Variants in NLRC5 observed in about 807,000 individuals in gnomAD.
NLRC5 encodes NLR family CARD domain containing 5.
Under a neutral mutation model 206.9 loss-of-function variants are expected in NLRC5, and 114 were observed. The observed-to-expected ratio is 0.55, with a 90% CI of 0.47 to 0.64. NLRC5 has a LOEUF of 0.64. Ranked by LOEUF, NLRC5 falls within the 30% of genes least tolerant of loss-of-function variation. The pLI is 0.00. For synonymous variants in NLRC5, 952 were observed against 962.8 expected, an observed-to-expected ratio of 0.99 and a Z score of 0.21; for missense variants, 2,008 against 2,305.5, an observed-to-expected ratio of 0.87 and a Z score of 2.64.
At position 57,058,080 on chromosome 16, in the gene NLRC5, G is replaced by C. The variant is rs767789727; in HGVS notation, c.3762G>C (p.Leu1254=). Residue 1254 remains leucine (L), a synonymous_variant, in exon 28 of 49, where the codon CTG becomes CTC. Transcript: ENST00000688547. Reference sequence around the variant, plus strand: ...CCCCCTACAGTCTCTCAGCAAACCTGCTGGGCGACAGCGGACTCAGATGCC... The same window carrying C: ...CCCCCTACAGTCTCTCAGCAAACCTCCTGGGCGACAGCGGACTCAGATGCC... ...DLSQVDLSAN[L]LGDSGLRCLL... The C allele has an allele frequency of 1.2e-6, 2 of 1,612,470 alleles. No homozygotes were observed. The highest frequency in any genetic ancestry group is 1.7e-6 in the Non-Finnish European group (2 of 1,179,276).
chr16:57,008,900 G>A (rs1175608425), intron 1 of NLRC5, among the ~76,000 whole-genome samples: 1 of 152,084 alleles, frequency 6.6e-6, no homozygotes, highest in East Asian at 1.9e-4. Context: ...ACAAAAATTT[G>A]TTTTTCAAAC....
rs1162599271 is a variant in NLRC5, at chr16:57,047,621, G to A, written c.3415G>A (p.Glu1139Lys). 6.2e-7 allele frequency: 1 copy of A among 1,612,838 alleles called. No homozygotes were observed. Among genetic ancestry groups the A allele is most frequent in the Admixed American group, 1.7e-5 (1 of 59,866 alleles). The change falls in exon 23 of 49, where the codon GAA (glutamate) becomes AAA (lysine). Residue 1139 changes from glutamate to lysine, a missense_variant. Glu to Lys is a moderately conservative substitution (Grantham distance 56, BLOSUM62 1). Transcript: ENST00000688547. ...ATLKDCPGPL[E>K]LQLSCEFLSD... ...TCTGAAGGACTGCCCGGGACCCCTG[G>A]AACTGCAGTAAGTAACGAGGACACA...
At chr16:57,042,498 G>T (rs1309227244) in intron 19 of NLRC5, among the ~76,000 whole-genome samples, 1 of 152,116 alleles carries the variant, frequency 6.6e-6, no homozygotes, top group African/African-American at 2.4e-5. Flanking sequence ...GGCTGCCAAG[G>T]ATCCCTGAGT....
rs1298795964 is a variant in NLRC5, at chr16:57,026,284, C to T, written c.1341C>T (p.Ser447=). ...ATATGCAGATGGTGCTCGCCCTCAG[C>T]CCCCCTGGGCACTTGCCCACCTCGT... ...QLYMQMVLAL[S]PPGHLPTSSL... is the part of the protein sequence containing the mutation. The change falls in exon 6 of 49, where the codon AGC becomes AGT. Residue 447 remains serine, a synonymous_variant. Coordinates refer to ENST00000688547, the MANE Select transcript of NLRC5 (RefSeq NM_001384950.1). 6.2e-6 allele frequency: 10 copies of T among 1,613,988 alleles called. No individual in the cohort carries two copies. The highest frequency in any genetic ancestry group is 2.2e-5 in the East Asian group (1 of 44,882).
intron 2 of NLRC5, among the ~76,000 whole-genome samples, chr16:57,019,261 G>T (rs139008682): frequency 3.2e-3 from 484 of 152,324 alleles, no homozygotes; most frequent in Non-Finnish European, 4.9e-3. Context: ...GCTGGGCATT[G>T]TGGTGTGCAC....
At chr16:57,066,995 G>A (rs1316154887) in intron 34 of NLRC5, among the ~76,000 whole-genome samples, 4 of 152,216 alleles carry the variant, frequency 2.6e-5, no homozygotes, top group African/African-American at 9.6e-5. Flanking sequence ...CCAAGGCTTA[G>A]TCAAACACTT....
At chr16:57,002,364 T>C (rs909244641) in intron 1 of NLRC5, among the ~76,000 whole-genome samples, 1 of 152,030 alleles carries the variant, frequency 6.6e-6, no homozygotes, top group Non-Finnish European at 1.5e-5. Flanking sequence ...GCCAGGTTGG[T>C]CTCCAATGCC....
chr16:57,028,414 C>A, intron 8 of NLRC5, 29 bp downstream of exon 8: 1 of 1,571,930 alleles, frequency 6.4e-7, no homozygotes, highest in Non-Finnish European at 8.8e-7. Flanking sequence ...GGCTCACTGA[C>A]TGGGGAGATG....
chr16:57,043,397 G>T (rs2063528455), intron 19 of NLRC5, 118 bp from the exon 20 acceptor site: 2 of 811,678 alleles, frequency 2.5e-6, no homozygotes, highest in South Asian at 2.7e-5. Context: ...ACCATCTTGG[G>T]TTCAGTGGGT....
At chr16:56,996,280 C>T (rs112077752) in intron 1 of NLRC5, among the ~76,000 whole-genome samples, 11 of 152,232 alleles carry the variant, frequency 7.2e-5, no homozygotes, top group African/African-American at 1.9e-4. Context: ...CAGGCTCAAT[C>T]GATCCTCCTG....
At chr16:57,023,973 C>T (rs989817834) in intron 5 of NLRC5, 120 bp downstream of exon 5, 17 of 912,252 alleles carry the variant, frequency 1.9e-5, no homozygotes, top group African/African-American at 5.0e-5. Flanking sequence ...ACTCTTGTCT[C>T]GCAAGTTTCC....
At chr16:57,076,074 C>A in intron 39 of NLRC5, 2 of 195,574 alleles carry the variant, frequency 1.0e-5, no homozygotes, top group Non-Finnish European at 1.1e-5. Context: ...CCACCACGCC[C>A]AGATAATTTT....
At position 57,026,500 on chromosome 16, in the gene NLRC5, G is replaced by T. The variant is rs1444024524; in HGVS notation, c.1557G>T (p.Glu519Asp). The T allele has an allele frequency of 6.2e-7, 1 of 1,614,138 alleles. No individual in the cohort carries two copies. Among genetic ancestry groups the T allele is most frequent in the Non-Finnish European group, 8.5e-7 (1 of 1,180,044 alleles). ...CTTTCACCCACCTCAGCCTGCAGGA[G>T]TTTCTTGCTGCCCTGCACCTGATGG... is the stretch of plus-strand genomic sequence containing the variant. ...GYAFTHLSLQ[E>D]FLAALHLMAS... is the part of the protein sequence containing the mutation. Residue 519 changes from glutamate to aspartate, a missense_variant, in exon 6 of 49, where the codon GAG becomes GAT. By Grantham distance (45) the Glu-to-Asp change is conservative. Coordinates refer to ENST00000688547, the MANE Select transcript of NLRC5 (RefSeq NM_001384950.1).
At chr16:57,047,666 G>A (rs772942307) in intron 23 of NLRC5, 38 bp downstream of exon 23, 1 of 1,562,696 alleles carries the variant, frequency 6.4e-7, no homozygotes, top group South Asian at 1.1e-5. Flanking sequence ...GGCACCATGT[G>A]GGGATCTGCC....
At chr16:57,080,583 C>G (rs1243449657) in intron 46 of NLRC5, among the ~76,000 whole-genome samples, 1 of 144,754 alleles carries the variant, frequency 6.9e-6, no homozygotes, top group Non-Finnish European at 1.5e-5. Flanking sequence ...CTGCCGGGTT[C>G]AAGAGATTCT....
At chr16:57,025,115 G>A (rs1271846176) in intron 5 of NLRC5, among the ~76,000 whole-genome samples, 8 of 152,126 alleles carry the variant, frequency 5.3e-5, no homozygotes, top group African/African-American at 1.2e-4. Context: ...GGATAGAACC[G>A]TGACCCACAC....
Position 57,082,441 on chromosome 16 carries a change from C to T in NLRC5, c.5514C>T (p.Cys1838=), listed in dbSNP as rs369677436. ...GCCTCTGGAATAACCCCATTCCCTG[C>T]GACATGGCCCAGCACCTGAAGAGCC... ...VIRLWNNPIP[C]DMAQHLKSQE... Residue 1838 remains cysteine, a synonymous_variant, in exon 49 of 49, where the codon TGC becomes TGT. Transcript: ENST00000688547. 2.7e-5 allele frequency: 44 copies of T among 1,613,120 alleles called. No individual in the cohort carries two copies. In the African/African-American group the frequency reaches 4.0e-4, roughly 15 times the overall value.
intron 26 of NLRC5, 79 bp downstream of exon 26, chr16:57,055,173 G>T: frequency 1.4e-6 from 2 of 1,435,498 alleles, no homozygotes; most frequent in Admixed American, 3.4e-5. Flanking sequence ...GGCCAGAGCA[G>T]TATGCAGACT....
In NLRC5 at chr16:57,082,439, T is replaced by C; in HGVS notation, c.5512T>C (p.Cys1838Arg). The C allele has an allele frequency of 6.2e-7, 1 of 1,613,350 alleles. No homozygotes were observed. Among genetic ancestry groups the C allele is most frequent in the Non-Finnish European group, 8.5e-7 (1 of 1,179,530 alleles). ...CAGCCTCTGGAATAACCCCATTCCC[T>C]GCGACATGGCCCAGCACCTGAAGAG... ...VIRLWNNPIPCDMAQHLKSQE... is the reference protein window; with the variant it reads ...VIRLWNNPIPRDMAQHLKSQE... The change falls in exon 49 of 49, where the codon TGC (cysteine) becomes CGC (arginine). Residue 1838 changes from cysteine to arginine, a missense_variant. Physicochemically the swap from Cys to Arg is radical, Grantham distance 180 (BLOSUM62 -3). Transcript: ENST00000688547.
Sources: gnomAD v4.1 joint callset for allele counts (sites outside exome capture counted in the v4.1 genomes callset) on GRCh38, gnomAD v4.1.1 for gene constraint, MANE v1.5 for transcripts, NCBI Gene and HGNC (gene_info 2026-07-23, HGNC 2026-07-21) for gene names.